SAE1: variants seen among roughly 807,000 people sequenced by gnomAD.
The protein encoded by SAE1 is SUMO1 activating enzyme subunit 1.
Under a neutral mutation model 40.6 loss-of-function variants are expected in SAE1, and 11 were observed. The observed-to-expected ratio is 0.27, with a 90% CI of 0.17 to 0.45. SAE1 has a LOEUF of 0.45. Ranked by LOEUF, SAE1 falls within the 20% of genes least tolerant of loss-of-function variation. The pLI is 1.00. For missense variants in SAE1, 373 were observed against 427.3 expected (o/e 0.87, Z 1.12); for synonymous variants, 155 against 154.3 (o/e 1.00, Z -0.03).
intron 2 of SAE1, among the ~76,000 whole-genome samples, chr19:47,147,199 GTTTTTTTTTTTTTTTT>G (rs397859917): frequency 1.5e-4 from 9 of 60,934 alleles, no homozygotes; most frequent in Non-Finnish European, 2.7e-4. Context: ...ATGTGTATGG[GTTTTTTTTTTTTTTTT>G]TTTTTTTTTT....
chr19:47,191,077 TC>T (rs1444287299), intron 6 of SAE1, among the ~76,000 whole-genome samples: 4 of 152,210 alleles, frequency 2.6e-5, no homozygotes, highest in African/African-American at 9.6e-5. Flanking sequence ...AGTGACCAAG[TC>T]ATTTAATGTT....
intron 6 of SAE1, among the ~76,000 whole-genome samples, chr19:47,177,625 T>G (rs1438071925): frequency 2.6e-5 from 4 of 152,172 alleles, no homozygotes; most frequent in Admixed American, 6.6e-5. Flanking sequence ...TCACCTCAGT[T>G]TCCCAAAGAG....
At chr19:47,167,397 G>A (rs1411380952) in intron 5 of SAE1, among the ~76,000 whole-genome samples, 1 of 151,374 alleles carries the variant, frequency 6.6e-6, no homozygotes, top group African/African-American at 2.4e-5. Flanking sequence ...CTGCCACCAC[G>A]CCTGGCTAAT....
At chr19:47,191,165 CT>C (rs1456481203) in intron 6 of SAE1, among the ~76,000 whole-genome samples, 3 of 152,062 alleles carry the variant, frequency 2.0e-5, no homozygotes, top group Non-Finnish European at 4.4e-5. Context: ...AATCCCAGCA[CT>C]TTGGGAGGCT....
chr19:47,131,696 T>TA (rs2058144323), intron 1 of SAE1, among the ~76,000 whole-genome samples: 2 of 136,076 alleles, frequency 1.5e-5, no homozygotes, highest in African/African-American at 2.7e-5. Flanking sequence ...CTTAGGGAAT[T>TA]CTTTTTTTTT....
At chr19:47,133,386 C>T (rs988712800) in intron 1 of SAE1, among the ~76,000 whole-genome samples, 2 of 152,188 alleles carry the variant, frequency 1.3e-5, no homozygotes, top group African/African-American at 2.4e-5. Flanking sequence ...CCACAACACC[C>T]GGCTAATCTT....
chr19:47,174,456 G>A (rs962322580), intron 6 of SAE1, among the ~76,000 whole-genome samples: 7 of 151,190 alleles, frequency 4.6e-5, no homozygotes, highest in Non-Finnish European at 8.8e-5. Context: ...GAGTGCAATG[G>A]TGCGATCTCG....
At chr19:47,160,553 C>T (rs1461492842) in intron 5 of SAE1, among the ~76,000 whole-genome samples, 2 of 151,850 alleles carry the variant, frequency 1.3e-5, no homozygotes, top group Admixed American at 1.3e-4. Flanking sequence ...CGCCGCCATG[C>T]CCGACTAATT....
chr19:47,162,858 A>G (rs1688083637), intron 5 of SAE1, among the ~76,000 whole-genome samples: 1 of 152,102 alleles, frequency 6.6e-6, no homozygotes, highest in Admixed American at 6.6e-5. Flanking sequence ...TGGGCGTGGT[A>G]GCACGTGCCA....
Position 47,210,208 on chromosome 19 carries a change from C to G in SAE1, c.*957C>G, listed in dbSNP as rs1298121308. 6.6e-6 allele frequency: 1 copy of G among 152,110 alleles called. No homozygotes were observed. Among genetic ancestry groups the G allele is most frequent in the African/African-American group, 2.4e-5 (1 of 41,422 alleles). 9.4% of individuals were successfully genotyped at this position (152,110 alleles called of 1,614,324 possible). A position where few individuals can be genotyped will look rare whatever the true frequency, so the allele number is the denominator to read the frequency against. Reference sequence around the variant, plus strand: ...GCTTTAGGATTTGCTTGTTTTTCTTCCACTTCAGAAGCTTCTGAGAGGGAA... The same window carrying G: ...GCTTTAGGATTTGCTTGTTTTTCTTGCACTTCAGAAGCTTCTGAGAGGGAA... On this transcript the variant is annotated 3_prime_UTR_variant, in exon 9 of 9. Coordinates refer to ENST00000270225, the MANE Select transcript of SAE1 (RefSeq NM_005500.3).
chr19:47,173,360 C>G (rs1394956239), intron 6 of SAE1, among the ~76,000 whole-genome samples: 1 of 152,156 alleles, frequency 6.6e-6, no homozygotes, highest in African/African-American at 2.4e-5. Flanking sequence ...GCTACTGTTT[C>G]TTCCTCAACC....
At chr19:47,194,187 G>A (rs190644721) in intron 6 of SAE1, among the ~76,000 whole-genome samples, 1 of 152,272 alleles carries the variant, frequency 6.6e-6, no homozygotes, top group African/African-American at 2.4e-5. Context: ...TGGACCTTTA[G>A]CACCCAGGTC....
At chr19:47,182,840 T>C (rs974932138) in intron 6 of SAE1, among the ~76,000 whole-genome samples, 1 of 152,124 alleles carries the variant, frequency 6.6e-6, no homozygotes, top group African/African-American at 2.4e-5. Flanking sequence ...CCCAGCCCTT[T>C]GGGAGGCCAA....
At chr19:47,171,609 G>A (rs146450271) in intron 6 of SAE1, among the ~76,000 whole-genome samples, 2 of 152,106 alleles carry the variant, frequency 1.3e-5, no homozygotes, top group Non-Finnish European at 2.9e-5. Context: ...CTGCCACCAC[G>A]CTTGGCTAAT....
At chr19:47,197,209 CTG>C (rs752255716) in intron 6 of SAE1, 22 bp from the exon 7 acceptor site, 2 of 1,579,672 alleles carry the variant, frequency 1.3e-6, no homozygotes, top group Non-Finnish European at 1.7e-6. Flanking sequence ...GCTTTATAAC[CTG>C]CCTTCTTTTT....
At chr19:47,188,282 T>G (rs145405924) in intron 6 of SAE1, among the ~76,000 whole-genome samples, 7 of 151,506 alleles carry the variant, frequency 4.6e-5, no homozygotes, top group Non-Finnish European at 7.4e-5. Flanking sequence ...GTTCAGGAGG[T>G]CCAGGCAGCA....
chr19:47,156,283 G>A (rs1356326967), intron 5 of SAE1, among the ~76,000 whole-genome samples: 1 of 149,378 alleles, frequency 6.7e-6, no homozygotes, highest in Admixed American at 6.7e-5. Context: ...AAAAAAAAAA[G>A]CAAAACAAAA....
Position 47,197,320 on chromosome 19 carries a change from A to G in SAE1, c.821A>G (p.Asn274Ser), listed in dbSNP as rs1396664207. ...TCTGAGTTGTTGCTCCAGATACGAAATGATGTGCTTGACTCACTGGGTATT... is the reference window on the plus strand; with the variant it reads ...TCTGAGTTGTTGCTCCAGATACGAAGTGATGTGCTTGACTCACTGGGTATT... The part of the protein sequence containing the change: ...EDSELLLQIR[N>S]DVLDSLGISP... The change falls in exon 7 of 9, where the codon AAT (asparagine) becomes AGT (serine). Residue 274 changes from asparagine (N) to serine (S), a missense_variant. Around this residue, in one of 3 missense-constraint regions of SAE1, gnomAD observed 351 missense variants for 390.6 expected, o/e 0.90. Transcript: ENST00000270225. 2 of 1,614,132 alleles carry G rather than the reference A, an allele frequency of 1.2e-6. No homozygotes were observed. Among genetic ancestry groups the G allele is most frequent in the Non-Finnish European group, 1.7e-6 (2 of 1,179,960 alleles).
At chr19:47,205,707 C>T (rs1363721233) in intron 8 of SAE1, among the ~76,000 whole-genome samples, 1 of 152,128 alleles carries the variant, frequency 6.6e-6, no homozygotes, top group East Asian at 1.9e-4. Flanking sequence ...TACTGAAAGC[C>T]CACTGTCTGC....
Sources: allele counts gnomAD v4.1 joint callset (sites outside exome capture counted in the v4.1 genomes callset), GRCh38; gene constraint gnomAD v4.1.1; regional missense constraint gnomAD v4.1.1; transcripts MANE v1.5; gene names NCBI Gene and HGNC (gene_info 2026-07-23, HGNC 2026-07-21).